Variants in SF3B4 observed in about 807,000 individuals in gnomAD.
SF3B4 encodes SAP 49.
A neutral mutation model predicts 34.3 loss-of-function variants in SF3B4; 3 were observed. That is an observed-to-expected ratio of 0.09 (90% CI 0.04 to 0.23). SF3B4 has a LOEUF of 0.23. SF3B4 is among the 10% of genes least tolerant of loss of function. The probability of loss-of-function intolerance (pLI) is 1.00; values close to 1 mark genes in which losing one functional copy is unlikely to be tolerated. For missense variants in SF3B4, 283 were observed against 567.2 expected (o/e 0.50, Z 5.09); for synonymous variants, 216 against 207.8 (o/e 1.04, Z -0.34).
rs781942554 is a variant in SF3B4, at chr1:149,923,668, A to G, written c.1149T>C (p.His383=). 6 of 1,527,704 alleles carry G rather than the reference A, an allele frequency of 3.9e-6. No individual in the cohort carries two copies. Among genetic ancestry groups the G allele is most frequent in the Non-Finnish European group, 5.2e-6 (6 of 1,148,974 alleles). 94.6% of individuals were successfully genotyped at this position (1,527,704 alleles called of 1,614,324 possible). The change falls in exon 6 of 6, where the codon CAT becomes CAC. Residue 383 remains histidine, a synonymous_variant. Transcript: ENST00000271628. ...GGGGTCGTGGAGGGCCAGTGTATCC[A>G]TGGGGGGGCATCAGTGGAGGAGGTC... is the stretch of plus-strand genomic sequence containing the variant. ...MRGPPPLMPP[H]GYTGPPRPPP...
chr1:149,927,641 T>C, intron 1 of SF3B4, 85 bp downstream of exon 1: 2 of 1,505,434 alleles, frequency 1.3e-6, no homozygotes, highest in Admixed American at 2.0e-5. Flanking sequence ...GAGTCCAGTC[T>C]CCCACCCCTG....
rs953614778 is a variant in SF3B4, at chr1:149,925,927, G to A, written c.822C>T (p.Gly274=). 1.9e-6 allele frequency: 3 copies of A among 1,575,680 alleles called. No homozygotes were observed. Among genetic ancestry groups the A allele is most frequent in the African/African-American group, 1.3e-5 (1 of 74,200 alleles). Residue 274 remains glycine (G), a synonymous_variant, in exon 4 of 6, where the codon GGC becomes GGT. Coordinates refer to ENST00000271628, the MANE Select transcript of SF3B4 (RefSeq NM_005850.5). The stretch of plus-strand genomic sequence containing the variant: ...CCCCTGGGGTTCCTGCCGATGGGGG[G>A]CCATGTCCTGCAGCCCCAGGAGGCA... ...PPMPPGAAGH[G]PPSAGTPGAG...
chr1:149,926,181 T>C lies in SF3B4; in HGVS notation c.707-139A>G. ...AGTGCTCTAAAATCAAAAGCAATGT[T>C]AGAAAAGTCAACCAACTTCACCCTC... On this transcript the variant is annotated intron_variant, in intron 3 of 5. Transcript: ENST00000271628. The surrounding 1 kb of genome is among the most constrained non-coding windows in gnomAD (Gnocchi z 6.2). The C allele has an allele frequency of 1.4e-6, 1 of 709,930 alleles. No homozygotes were observed. 44.0% of individuals were successfully genotyped at this position (709,930 alleles called of 1,614,324 possible). A position where few individuals can be genotyped will look rare whatever the true frequency, so the allele number is the denominator to read the frequency against.
chr1:149,924,886 GT>G (rs1374329680), intron 4 of SF3B4, among the ~76,000 whole-genome samples: 6 of 152,188 alleles, frequency 3.9e-5, no homozygotes, highest in African/African-American at 1.4e-4. Flanking sequence ...ATGGTAATGA[GT>G]TTGGGTTTTA....
rs782395710 is a variant in SF3B4 at position 149,926,930 on chromosome 1, G to A, written c.164-12C>T. The A allele has an allele frequency of 8.8e-6, 14 of 1,586,762 alleles. No individual in the cohort carries two copies. Among genetic ancestry groups the A allele is most frequent in the Non-Finnish European group, 1.1e-5 (13 of 1,167,462 alleles). Reference sequence around the variant, plus strand: ...CACAAAGCCATAGCCTGGAAAAGTGGAGAAGAGGAGGTTAACAACGTAAGT... The same window carrying A: ...CACAAAGCCATAGCCTGGAAAAGTGAAGAAGAGGAGGTTAACAACGTAAGT... On this transcript the variant is annotated splice_polypyrimidine_tract_variant and intron_variant, in intron 2 of 5. Coordinates refer to ENST00000271628, the MANE Select transcript of SF3B4 (RefSeq NM_005850.5). The surrounding 1 kb of genome is among the most constrained non-coding windows in gnomAD (Gnocchi z 6.2).
Position 149,923,676 on chromosome 1 carries a change from G to A in SF3B4, c.1141C>T (p.Pro381Ser), listed in dbSNP as rs1033929870. 3 of 1,525,826 alleles carry A rather than the reference G, an allele frequency of 2.0e-6. No individual in the cohort carries two copies. The highest frequency in any genetic ancestry group is 1.3e-5 in the South Asian group (1 of 76,412). 94.5% of individuals were successfully genotyped at this position (1,525,826 alleles called of 1,614,324 possible). A position where few individuals can be genotyped will look rare whatever the true frequency, so the allele number is the denominator to read the frequency against. The change falls in exon 6 of 6, where the codon CCC becomes TCC. Residue 381 changes from proline (P) to serine (S), a missense_variant. Physicochemically the swap from Pro to Ser is moderately conservative, Grantham distance 74. This residue lies in a region of SF3B4 where 208 missense variants were observed against 292.6 expected (regional missense o/e 0.71). Coordinates refer to ENST00000271628, the MANE Select transcript of SF3B4 (RefSeq NM_005850.5). ...HGMRGPPPLM[P>S]PHGYTGPPRP... ...GGAGGGCCAGTGTATCCATGGGGGG[G>A]CATCAGTGGAGGAGGTCCACGCATA...
At position 149,927,307 on chromosome 1, in the gene SF3B4, G is replaced by A. The variant is rs1279488048; in HGVS notation, c.35-13C>T. ...TACACAGTGGCATCTTGAAGGGAGG[G>A]AGCAAAAAGAGCAAGCGTGAGAGTG... On this transcript the variant is annotated splice_polypyrimidine_tract_variant and intron_variant, in intron 1 of 5. Transcript: ENST00000271628. The A allele has an allele frequency of 1.2e-6, 2 of 1,611,858 alleles. No individual in the cohort carries two copies. The highest frequency in any genetic ancestry group is 8.5e-7 in the Non-Finnish European group (1 of 1,179,690).
chr1:149,926,048 G>A lies in SF3B4; in HGVS notation c.707-6C>T. 2.8e-6 allele frequency: 4 copies of A among 1,433,926 alleles called. No individual in the cohort carries two copies. Among genetic ancestry groups the A allele is most frequent in the African/African-American group, 2.9e-5 (2 of 70,164 alleles). 88.8% of individuals were successfully genotyped at this position (1,433,926 alleles called of 1,614,324 possible). A position where few individuals can be genotyped will look rare whatever the true frequency, so the allele number is the denominator to read the frequency against. ...GGAGCCAGGAGGAGGCATGCCTATA[G>A]AGGAAATGGAAAAAGGAAGAGTTAA... On this transcript the variant is annotated splice_polypyrimidine_tract_variant and splice_region_variant and intron_variant, in intron 3 of 5. Transcript: ENST00000271628. The surrounding 1 kb of genome is among the most constrained non-coding windows in gnomAD (Gnocchi z 6.2).
Position 149,923,449 on chromosome 1 carries a change from T to C in SF3B4, c.*93A>G. 1 of 977,442 alleles carries C rather than the reference T, an allele frequency of 1.0e-6. No individual in the cohort carries two copies. Among genetic ancestry groups the C allele is most frequent in the Non-Finnish European group, 1.5e-6 (1 of 676,276 alleles). The allele number at this position is 977,442 out of a possible 1,614,324, so 60.5% of individuals were successfully genotyped here. A position where few individuals can be genotyped will look rare whatever the true frequency, so the allele number is the denominator to read the frequency against. ...GAGTGGGGGTGCTGAAAGGGATTAGTACCTTTGCCCCAAGGAGCTACAGCA... is the reference window on the plus strand; with the variant it reads ...GAGTGGGGGTGCTGAAAGGGATTAGCACCTTTGCCCCAAGGAGCTACAGCA... On this transcript the variant is annotated 3_prime_UTR_variant, in exon 6 of 6. Transcript: ENST00000271628.
rs1337237503 is a variant in SF3B4, at chr1:149,926,148, C to T, written c.707-106G>A. 1 of 695,700 alleles carries T rather than the reference C, an allele frequency of 1.4e-6. No individual in the cohort carries two copies. 43.1% of individuals were successfully genotyped at this position (695,700 alleles called of 1,614,324 possible). On this transcript the variant is annotated intron_variant, in intron 3 of 5. Coordinates refer to ENST00000271628, the MANE Select transcript of SF3B4 (RefSeq NM_005850.5). This position sits in a 1 kb window ranked among gnomAD's most constrained non-coding sequence, Gnocchi z 6.2. ...TCCAGGCAGGGTGAGCTCTTTCCCC[C>T]TCCTCCCAGTGCTCTAAAATCAAAA...
rs781785892 is a variant in SF3B4, at chr1:149,926,084, G to A, written c.707-42C>T. The A allele has an allele frequency of 5.9e-6, 6 of 1,023,880 alleles. No individual in the cohort carries two copies. Among genetic ancestry groups the A allele is most frequent in the Non-Finnish European group, 2.8e-6 (2 of 702,138 alleles). 63.4% of individuals were successfully genotyped at this position (1,023,880 alleles called of 1,614,324 possible). A position where few individuals can be genotyped will look rare whatever the true frequency, so the allele number is the denominator to read the frequency against. On this transcript the variant is annotated intron_variant, in intron 3 of 5. Coordinates refer to ENST00000271628, the MANE Select transcript of SF3B4 (RefSeq NM_005850.5). This position sits in a 1 kb window ranked among gnomAD's most constrained non-coding sequence, Gnocchi z 6.2. ...AAAAGGAAGAGTTAATGGTAGTGAG[G>A]AGAAAATGTCTTTAAAGAGCCTGTC...
Position 149,926,112 on chromosome 1 carries a change from G to T in SF3B4, c.707-70C>A. The T allele has an allele frequency of 1.3e-6, 1 of 791,372 alleles. No homozygotes were observed. Among genetic ancestry groups the T allele is most frequent in the Non-Finnish European group, 2.0e-6 (1 of 501,524 alleles). 49.0% of individuals were successfully genotyped at this position (791,372 alleles called of 1,614,324 possible). ...AAAATGTCTTTAAAGAGCCTGTCCTGATCTGGCCTCTCCAGGCAGGGTGAG... is the reference window on the plus strand; with the variant it reads ...AAAATGTCTTTAAAGAGCCTGTCCTTATCTGGCCTCTCCAGGCAGGGTGAG... On this transcript the variant is annotated intron_variant, in intron 3 of 5. Coordinates refer to ENST00000271628, the MANE Select transcript of SF3B4 (RefSeq NM_005850.5). The surrounding 1 kb of genome is among the most constrained non-coding windows in gnomAD (Gnocchi z 6.2).
rs781806467 is a variant in SF3B4 at position 149,927,272 on chromosome 1, G to A, written c.57C>T (p.Gly19=). The A allele has an allele frequency of 6.2e-7, 1 of 1,613,890 alleles. No individual in the cohort carries two copies. The highest frequency in any genetic ancestry group is 8.5e-7 in the Non-Finnish European group (1 of 1,179,976). ...RNQDATVYVG[G]LDEKVSEPLL... is the part of the protein sequence containing the mutation. ...GCGGTTCACTAACCTTCTCATCCAG[G>A]CCCCCCACGTACACAGTGGCATCTT... Residue 19 remains glycine (G), a synonymous_variant, in exon 2 of 6, where the codon GGC becomes GGT. Transcript: ENST00000271628.
At chr1:149,925,780 G>A (rs957125394) in intron 4 of SF3B4, 56 bp downstream of exon 4, 2 of 1,325,776 alleles carry the variant, frequency 1.5e-6, no homozygotes, top group Admixed American at 1.7e-5. Flanking sequence ...AGGGTGAGTG[G>A]TAACAGAGAT....
rs1254466682 is a variant in SF3B4, at chr1:149,927,098, T to C, written c.163+68A>G. 7 of 1,580,902 alleles carry C rather than the reference T, an allele frequency of 4.4e-6. No individual in the cohort carries two copies. The African/African-American group carries it at 8.1e-5, about 18-fold the overall frequency. ...AAAAAAATCTTTAGGTTGCTCATGT[T>C]ATTCCAAAACAGTTGTGAATACTGC... is the stretch of plus-strand genomic sequence containing the variant. On this transcript the variant is annotated intron_variant, in intron 2 of 5. Transcript: ENST00000271628.
chr1:149,923,570 C>T lies in SF3B4; in HGVS notation c.1247G>A (p.Gly416Asp), dbSNP rs1553765593. 6.4e-7 allele frequency: 1 copy of T among 1,559,702 alleles called. No homozygotes were observed. Among genetic ancestry groups the T allele is most frequent in the Non-Finnish European group, 8.6e-7 (1 of 1,163,066 alleles). ...PTPRPPVPPR[G>D]PLRGPLPQ ...CTGAGGGAGAGGGCCTCGAAGTGGG[C>T]CTCGAGGGGGAACTGGTGGCCGGGG... The change falls in exon 6 of 6, where the codon GGC becomes GAC. Residue 416 changes from glycine to aspartate, a missense_variant. By Grantham distance (94) the Gly-to-Asp change is moderately conservative. This residue lies in a region of SF3B4 where 208 missense variants were observed against 292.6 expected (regional missense o/e 0.71). Transcript: ENST00000271628.
Position 149,926,349 on chromosome 1 carries a change from C to A in SF3B4, c.706+27G>T, listed in dbSNP as rs782659346. The A allele has an allele frequency of 1.3e-6, 2 of 1,574,108 alleles. No individual in the cohort carries two copies. The highest frequency in any genetic ancestry group is 1.7e-6 in the Non-Finnish European group (2 of 1,156,696). On this transcript the variant is annotated intron_variant, in intron 3 of 5. Coordinates refer to ENST00000271628, the MANE Select transcript of SF3B4 (RefSeq NM_005850.5). The surrounding 1 kb of genome is among the most constrained non-coding windows in gnomAD (Gnocchi z 6.2). ...CTGACCCTCTCCCCCAACCTTAAGACAAACATATTTTAACCAAAAGCTTTA... is the reference window on the plus strand; with the variant it reads ...CTGACCCTCTCCCCCAACCTTAAGAAAAACATATTTTAACCAAAAGCTTTA...
chr1:149,927,001 A>C (rs1553766116), intron 2 of SF3B4, 83 bp from the exon 3 acceptor site: 47 of 1,458,460 alleles, frequency 3.2e-5, no homozygotes, highest in Non-Finnish European at 4.3e-5. Context: ...TCTAATCACA[A>C]AGAACAAGAA....
At chr1:149,925,323 T>C (rs868916398) in intron 4 of SF3B4, among the ~76,000 whole-genome samples, 1 of 152,032 alleles carries the variant, frequency 6.6e-6, no homozygotes, top group African/African-American at 2.4e-5. Flanking sequence ...CATCAGTATA[T>C]ACCCAATTAA....
Sources: gnomAD v4.1 joint callset for allele counts (sites outside exome capture counted in the v4.1 genomes callset) on GRCh38, gnomAD v4.1.1 for gene constraint, gnomAD v4.1.1 regional missense constraint, Gnocchi (gnomAD v3.1) non-coding constraint, MANE v1.5 for transcripts, NCBI Gene and HGNC (gene_info 2026-07-23, HGNC 2026-07-21) for gene names.